Variants in NTNG1 observed in about 807,000 individuals in gnomAD.
NTNG1 encodes netrin-G1.
A neutral mutation model predicts 54.0 loss-of-function variants in NTNG1; 16 were observed. The ratio of observed to expected loss-of-function variants is 0.30; its 90% confidence interval spans 0.20 to 0.45. NTNG1 has a LOEUF of 0.45. Ranked by LOEUF, NTNG1 falls within the 20% of genes least tolerant of loss-of-function variation. NTNG1 has a pLI of 1.00. For synonymous variants in NTNG1, 255 were observed against 263.1 expected (o/e 0.97, Z 0.30); for missense variants, 530 against 678.7 (o/e 0.78, Z 2.43).
At chr1:107,467,665 AG>A (rs1449100364) in intron 7 of NTNG1, among the ~76,000 whole-genome samples, 7 of 152,358 alleles carry the variant, frequency 4.6e-5, no homozygotes, top group African/African-American at 1.4e-4. Flanking sequence ...TGAGTGTCTC[AG>A]GAATTTGTAA....
At chr1:107,407,651 A>C (rs1353841815) in intron 4 of NTNG1, 31 bp from the exon 5 acceptor site, 1 of 1,567,284 alleles carries the variant, frequency 6.4e-7, no homozygotes, top group Non-Finnish European at 8.7e-7. Flanking sequence ...AATAGCTAAC[A>C]GCTTTTCTTT....
At chr1:107,480,160 C>T (rs916017001) in intron 7 of NTNG1, among the ~76,000 whole-genome samples, 5 of 151,980 alleles carry the variant, frequency 3.3e-5, no homozygotes, top group African/African-American at 1.2e-4. Context: ...GAATGGCCCA[C>T]CCCTTAGAGG....
At chr1:107,161,064 C>T (rs72979558) in intron 2 of NTNG1, among the ~76,000 whole-genome samples, 2 of 152,238 alleles carry the variant, frequency 1.3e-5, no homozygotes, top group East Asian at 1.9e-4. Flanking sequence ...TATATTTGCT[C>T]ATTTATTTAT....
intron 2 of NTNG1, among the ~76,000 whole-genome samples, chr1:107,186,597 A>G (rs1483752535): frequency 6.6e-6 from 1 of 152,114 alleles, no homozygotes; most frequent in East Asian, 1.9e-4. Context: ...AAAGTAAGGC[A>G]TTAAAGTAAA....
chr1:107,418,602 A>G (rs1408784629), intron 5 of NTNG1: 4 of 1,603,932 alleles, frequency 2.5e-6, no homozygotes, highest in Non-Finnish European at 3.4e-6. Context: ...TTAATAGGAT[A>G]TGGCCGAATA....
chr1:107,192,424 G>T (rs1658029697), intron 2 of NTNG1, among the ~76,000 whole-genome samples: 1 of 152,040 alleles, frequency 6.6e-6, no homozygotes, highest in Non-Finnish European at 1.5e-5. Flanking sequence ...GTTGACATCA[G>T]TTCTAATGTG....
At chr1:107,231,490 A>G (rs1010563709) in intron 2 of NTNG1, among the ~76,000 whole-genome samples, 1 of 152,196 alleles carries the variant, frequency 6.6e-6, no homozygotes, top group Non-Finnish European at 1.5e-5. Flanking sequence ...TACTTTTTCT[A>G]GGACTATTTG....
At chr1:107,151,451 T>C (rs1570713016) in intron 2 of NTNG1, among the ~76,000 whole-genome samples, 1 of 152,168 alleles carries the variant, frequency 6.6e-6, no homozygotes, top group East Asian at 1.9e-4. Flanking sequence ...ACCTGCTCCC[T>C]CAGAGTCATT....
intron 5 of NTNG1, among the ~76,000 whole-genome samples, chr1:107,416,399 C>A (rs1031420795): frequency 2.0e-5 from 3 of 151,908 alleles, no homozygotes; most frequent in African/African-American, 7.2e-5. Context: ...ATACAGAAGA[C>A]AATTATATTC....
chr1:107,404,991 T>C (rs967998964), intron 4 of NTNG1, among the ~76,000 whole-genome samples: 2 of 152,158 alleles, frequency 1.3e-5, no homozygotes, highest in African/African-American at 4.8e-5. Context: ...TGGAATTGCA[T>C]TCATTGATTC....
intron 1 of NTNG1, among the ~76,000 whole-genome samples, chr1:107,141,744 G>A (rs1653738263): frequency 6.6e-6 from 1 of 152,032 alleles, no homozygotes. Context: ...CGGAGCCCAG[G>A]CGTGGGGTCT....
chr1:107,258,366 C>T (rs1409161933), intron 2 of NTNG1, among the ~76,000 whole-genome samples: 3 of 150,806 alleles, frequency 2.0e-5, no homozygotes, highest in Admixed American at 6.6e-5. Flanking sequence ...TGAATTAAAG[C>T]GTGTTACTTT....
Position 107,461,101 on chromosome 1 carries a change from T to C in NTNG1, c.1391-19510T>C, listed in dbSNP as rs549810981. Among the ~76,000 whole-genome samples, 4 of 152,206 alleles carry C rather than the reference T, an allele frequency of 2.6e-5. No individual in the cohort carries two copies. The South Asian group carries it at 8.3e-4, about 32-fold the overall frequency. On this transcript the variant is annotated intron_variant, in intron 7 of 7. Transcript: ENST00000370068. The stretch of plus-strand genomic sequence containing the variant: ...ACATGTGTAAAAAGCGTGAATTCTA[T>C]ACCAGCCACTGCTCTGGATATTGAG...
intron 6 of NTNG1, among the ~76,000 whole-genome samples, chr1:107,433,388 G>T (rs552592709): frequency 5.3e-5 from 8 of 152,090 alleles, no homozygotes; most frequent in Admixed American, 1.3e-4. Context: ...TACTGAAAGA[G>T]ATAAAAAATT....
At chr1:107,443,220 A>G (rs1676084054) in intron 7 of NTNG1, among the ~76,000 whole-genome samples, 1 of 151,864 alleles carries the variant, frequency 6.6e-6, no homozygotes, top group African/African-American at 2.4e-5. Context: ...TGTCCTCTAC[A>G]CTCTAATCTT....
At chr1:107,148,955 G>GA (rs1414670306) in intron 2 of NTNG1, 116 bp downstream of exon 2, 6 of 1,046,840 alleles carry the variant, frequency 5.7e-6, no homozygotes, top group Non-Finnish European at 7.0e-6. Context: ...GCAGGTGGCA[G>GA]ATTTGTGTTA....
intron 3 of NTNG1, among the ~76,000 whole-genome samples, chr1:107,343,329 T>G (rs1279125505): frequency 6.6e-6 from 1 of 152,130 alleles, no homozygotes; most frequent in Non-Finnish European, 1.5e-5. Context: ...ATCTACTATA[T>G]TAACATCCAT....
chr1:107,406,194 T>C (rs1673406465), intron 4 of NTNG1, among the ~76,000 whole-genome samples: 1 of 151,926 alleles, frequency 6.6e-6, no homozygotes, highest in Admixed American at 6.6e-5. Context: ...CACTAAAAAA[T>C]AGGAAAATAG....
chr1:107,238,493 G>C (rs1412717405), intron 2 of NTNG1, among the ~76,000 whole-genome samples: 1 of 152,118 alleles, frequency 6.6e-6, no homozygotes, highest in Non-Finnish European at 1.5e-5. Context: ...GAATTGGGAG[G>C]AGCCAGGGGT....
Sources: gnomAD v4.1 joint callset for allele counts (sites outside exome capture counted in the v4.1 genomes callset) on GRCh38, gnomAD v4.1.1 for gene constraint, MANE v1.5 for transcripts, NCBI Gene and HGNC (gene_info 2026-07-23, HGNC 2026-07-21) for gene names.